Variants in HDAC3 observed in about 807,000 individuals in gnomAD.
HDAC3 encodes SMAP45.
In HDAC3, 21 loss-of-function variants were observed where a neutral mutation model predicts 62.3. That is an observed-to-expected ratio of 0.34 (90% CI 0.24 to 0.49). The LOEUF is 0.49. HDAC3 is among the 20% of genes least tolerant of loss of function. HDAC3 has a pLI of 0.99. For synonymous variants in HDAC3, 198 were observed against 206.5 expected (o/e 0.96, Z 0.35); for missense variants, 270 against 556.9 (o/e 0.48, Z 5.19).
In HDAC3 at chr5:141,634,825, G is replaced by A. The variant is rs201449026; in HGVS notation, c.267C>T (p.Asn89=). ...TCCTCCCTCACCAGTCATCGCCTAC[G>A]TTGAAGGCATTAAGACTCTTGGTGA... ...QGFTKSLNAF[N]VGDDCPVFPG... is the part of the protein sequence containing the mutation. Residue 89 remains asparagine (N), a synonymous_variant, in exon 3 of 15, where the codon AAC becomes AAT. Transcript: ENST00000305264. 55 of 1,613,920 alleles carry A rather than the reference G, an allele frequency of 3.4e-5. No individual in the cohort carries two copies. In the East Asian group the frequency reaches 4.9e-4, roughly 14 times the overall value.
chr5:141,629,837 T>G lies in HDAC3; in HGVS notation c.420+23A>C. 6.2e-7 allele frequency: 1 copy of G among 1,613,854 alleles called. No homozygotes were observed. Among genetic ancestry groups the G allele is most frequent in the South Asian group, 1.1e-5 (1 of 91,076 alleles). ...CACCTACCCTAGGATGGCCACTGTC[T>G]TTCCCATCACCTCCTCACTCACCTC... On this transcript the variant is annotated intron_variant, in intron 5 of 14. Transcript: ENST00000305264. The surrounding 1 kb of genome is among the most constrained non-coding windows in gnomAD (Gnocchi z 5.3).
At position 141,628,080 on chromosome 5, in the gene HDAC3, C is replaced by T; in HGVS notation, c.765+34G>A. On this transcript the variant is annotated intron_variant, in intron 9 of 14. Coordinates refer to ENST00000305264, the MANE Select transcript of HDAC3 (RefSeq NM_003883.4). The surrounding 1 kb of genome is among the most constrained non-coding windows in gnomAD (Gnocchi z 4.7). Reference sequence around the variant, plus strand: ...CTTGCTCTCTTTCCCCAAGCCCAGGCAGAACACTCCTGAGGAGGAACTGAC... The same window carrying T: ...CTTGCTCTCTTTCCCCAAGCCCAGGTAGAACACTCCTGAGGAGGAACTGAC... The T allele has an allele frequency of 1.9e-6, 3 of 1,609,210 alleles. No homozygotes were observed. The highest frequency in any genetic ancestry group is 1.1e-5 in the South Asian group (1 of 90,960).
At position 141,634,314 on chromosome 5, in the gene HDAC3, T is replaced by C. The variant is rs190481827; in HGVS notation, c.281+497A>G. On this transcript the variant is annotated intron_variant, in intron 3 of 14. Coordinates refer to ENST00000305264, the MANE Select transcript of HDAC3 (RefSeq NM_003883.4). The stretch of plus-strand genomic sequence containing the variant: ...TTCAGTTCACCTCCTCTTCATACTC[T>C]GCACTTGGCCTTTTTTCTGTTCCTC... Among the ~76,000 whole-genome samples the C allele has an allele frequency of 2.6e-3, 399 of 152,328 alleles. 1 individual carries two copies. Among genetic ancestry groups the C allele is most frequent in the African/African-American group, 9.5e-3 (393 of 41,558 alleles).
rs2099904304 is a variant in HDAC3 at position 141,625,424 on chromosome 5, T to C, written c.1060-59A>G. On this transcript the variant is annotated intron_variant, in intron 13 of 14. Transcript: ENST00000305264. This position sits in a 1 kb window ranked among gnomAD's most constrained non-coding sequence, Gnocchi z 4.0. Reference sequence around the variant, plus strand: ...TTCCAGAGATTCCCAGGACATGGAATCTCCTAGCTGCCTTTTACCCCTACC... The same window carrying C: ...TTCCAGAGATTCCCAGGACATGGAACCTCCTAGCTGCCTTTTACCCCTACC... The C allele has an allele frequency of 6.3e-7, 1 of 1,582,582 alleles. No homozygotes were observed. The highest frequency in any genetic ancestry group is 8.7e-7 in the Non-Finnish European group (1 of 1,153,028).
rs878921541 is a variant in HDAC3 at position 141,636,779 on chromosome 5, G to C, written c.12C>G (p.Thr4=). 1.2e-6 allele frequency: 2 copies of C among 1,612,232 alleles called. No homozygotes were observed. Among genetic ancestry groups the C allele is most frequent in the East Asian group, 2.2e-5 (1 of 44,776 alleles). Residue 4 remains threonine (T), a synonymous_variant, in exon 1 of 15, where the codon ACC becomes ACG. Transcript: ENST00000305264. The stretch of plus-strand genomic sequence containing the variant: ...CGTCGGGGTCGTAGAAATAGGCCAC[G>C]GTCTTGGCCATGGTGCCGGCGGGAG... MAK[T]VAYFYDPDVG... is the part of the protein sequence containing the mutation.
In HDAC3 at chr5:141,636,808, G is replaced by T. The variant is rs201983150; in HGVS notation, c.-18C>A. On this transcript the variant is annotated 5_prime_UTR_variant, in exon 1 of 15. Coordinates refer to ENST00000305264, the MANE Select transcript of HDAC3 (RefSeq NM_003883.4). ...TTGGCCATGGTGCCGGCGGGAGCAGGCCCCGCACCTCCGCCGCCCGCCGCC... is the reference window on the plus strand; with the variant it reads ...TTGGCCATGGTGCCGGCGGGAGCAGTCCCCGCACCTCCGCCGCCCGCCGCC... The T allele has an allele frequency of 6.5e-7, 1 of 1,536,018 alleles. No homozygotes were observed. Among genetic ancestry groups the T allele is most frequent in the South Asian group, 1.3e-5 (1 of 79,230 alleles).
At chr5:141,623,143 A>G (rs536018509) in intron 14 of HDAC3, among the ~76,000 whole-genome samples, 39 of 152,218 alleles carry the variant, frequency 2.6e-4, no homozygotes, top group African/African-American at 8.4e-4. Context: ...AAAGAAAGAA[A>G]GTTACTTAGA....
At position 141,629,489 on chromosome 5, in the gene HDAC3, G is replaced by T; in HGVS notation, c.477-183C>A. On this transcript the variant is annotated intron_variant, in intron 6 of 14. Coordinates refer to ENST00000305264, the MANE Select transcript of HDAC3 (RefSeq NM_003883.4). This position sits in a 1 kb window ranked among gnomAD's most constrained non-coding sequence, Gnocchi z 5.3. ...AGAGGCTAGAGGCAGGGACAGGAGA[G>T]GGATATGCAGAGAAGGCTGAAATGT... 1.1e-6 allele frequency: 1 copy of T among 919,408 alleles called. No homozygotes were observed. Among genetic ancestry groups the T allele is most frequent in the African/African-American group, 1.7e-5 (1 of 60,472 alleles). The allele number at this position is 919,408 out of a possible 1,614,324, so 57.0% of individuals were successfully genotyped here.
intron 3 of HDAC3, among the ~76,000 whole-genome samples, chr5:141,632,493 TGCA>T (rs2099905371): frequency 6.6e-6 from 1 of 152,222 alleles, no homozygotes; most frequent in South Asian, 2.1e-4. Flanking sequence ...GGAAGACTGA[TGCA>T]GCATAAATAG....
At chr5:141,622,948 C>T (rs1277019388) in intron 14 of HDAC3, among the ~76,000 whole-genome samples, 1 of 152,050 alleles carries the variant, frequency 6.6e-6, no homozygotes, top group Non-Finnish European at 1.5e-5. Flanking sequence ...TGGAGAAACC[C>T]CATCTCTTCT....
intron 3 of HDAC3, among the ~76,000 whole-genome samples, chr5:141,632,165 C>T (rs962903973): frequency 2.0e-5 from 3 of 152,294 alleles, no homozygotes; most frequent in Non-Finnish European, 4.4e-5. Context: ...GCTGGGACTA[C>T]AGGCACGTGC....
At position 141,628,369 on chromosome 5, in the gene HDAC3, A is replaced by G. The variant is rs2099904743; in HGVS notation, c.692-182T>C. The G allele has an allele frequency of 1.1e-5, 8 of 723,972 alleles. No homozygotes were observed. In the South Asian group the frequency reaches 1.3e-4, roughly 12 times the overall value. 44.8% of individuals were successfully genotyped at this position (723,972 alleles called of 1,614,324 possible). On this transcript the variant is annotated intron_variant, in intron 8 of 14. Coordinates refer to ENST00000305264, the MANE Select transcript of HDAC3 (RefSeq NM_003883.4). This position sits in a 1 kb window ranked among gnomAD's most constrained non-coding sequence, Gnocchi z 4.7. Reference sequence around the variant, plus strand: ...TGCTATGAGTGACTGATGAAAGCCAATGACTTTTCCCAGAAAAATGCACAT... The same window carrying G: ...TGCTATGAGTGACTGATGAAAGCCAGTGACTTTTCCCAGAAAAATGCACAT...
rs1406044125 is a variant in HDAC3 at position 141,627,781 on chromosome 5, TA to T, written c.830+111del. Reference sequence around the variant, plus strand: ...TTCTAGTTCAAGTACAATTTGTAGCTATTTTTGATTTCCAAGAAGAGGTGAG... The same window carrying T: ...TTCTAGTTCAAGTACAATTTGTAGCTTTTTTGATTTCCAAGAAGAGGTGAG... On this transcript the variant is annotated intron_variant, in intron 10 of 14. Transcript: ENST00000305264. The T allele has an allele frequency of 2.5e-5, 22 of 866,880 alleles. No individual in the cohort carries two copies. In the Admixed American group the frequency reaches 4.2e-4, roughly 16 times the overall value. 53.7% of individuals were successfully genotyped at this position (866,880 alleles called of 1,614,324 possible).
In HDAC3 at chr5:141,629,257, C is replaced by T; in HGVS notation, c.526G>A (p.Gly176Arg). 2.5e-6 allele frequency: 4 copies of T among 1,614,144 alleles called. No homozygotes were observed. Among genetic ancestry groups the T allele is most frequent in the Non-Finnish European group, 2.5e-6 (3 of 1,180,026 alleles). Residue 176 changes from glycine to arginine, a missense_variant, in exon 7 of 15, where the codon GGG becomes AGG. This residue lies in a region of HDAC3 where 156 missense variants were observed against 383.9 expected (regional missense o/e 0.41). Transcript: ENST00000305264. The surrounding 1 kb of genome is among the most constrained non-coding windows in gnomAD (Gnocchi z 5.3). Reference protein sequence around the residue: ...YIDIDIHHGDGVQEAFYLTDR... With the variant: ...YIDIDIHHGDRVQEAFYLTDR... ...GTGAGGTAGAAAGCTTCTTGAACCC[C>T]GTCACCATGGTGGATGTCAATGTCA...
intron 14 of HDAC3, among the ~76,000 whole-genome samples, chr5:141,621,798 G>C (rs900206710): frequency 6.6e-6 from 1 of 152,162 alleles, no homozygotes; most frequent in Non-Finnish European, 1.5e-5. Context: ...CCTAATAAAT[G>C]AGACTAGTAA....
At chr5:141,624,610 C>T (rs1486688335) in intron 14 of HDAC3, among the ~76,000 whole-genome samples, 4 of 149,774 alleles carry the variant, frequency 2.7e-5, no homozygotes, top group African/African-American at 7.4e-5. Context: ...CTAGCAGCAA[C>T]CATTCTACTA....
rs756522328 is a variant in HDAC3 at position 141,630,092 on chromosome 5, C to A, written c.315G>T (p.Ser105=). The A allele has an allele frequency of 1.9e-6, 3 of 1,614,106 alleles. No individual in the cohort carries two copies. Among genetic ancestry groups the A allele is most frequent in the Non-Finnish European group, 2.5e-6 (3 of 1,180,026 alleles). ...PVFPGLFEFC[S]RYTGASLQGA... ...CTTGCAGAGATGCGCCTGTGTAACG[C>A]GAGCAGAACTCAAAGAGCCCGGGAA... is the stretch of plus-strand genomic sequence containing the variant. Residue 105 remains serine, a synonymous_variant, in exon 4 of 15, where the codon TCG becomes TCT. Transcript: ENST00000305264.
chr5:141,622,451 A>G (rs1436442929), intron 14 of HDAC3, among the ~76,000 whole-genome samples: 1 of 152,148 alleles, frequency 6.6e-6, no homozygotes, highest in Non-Finnish European at 1.5e-5. Context: ...TAAAAATACT[A>G]AAGTTAGCCG....
chr5:141,623,153 A>C, intron 14 of HDAC3, among the ~76,000 whole-genome samples: 1 of 151,900 alleles, frequency 6.6e-6, no homozygotes, highest in Non-Finnish European at 1.5e-5. Context: ...AGTTACTTAG[A>C]CTCTCTGAGC....
Sources: gnomAD v4.1 joint callset for allele counts (sites outside exome capture counted in the v4.1 genomes callset) on GRCh38, gnomAD v4.1.1 for gene constraint, gnomAD v4.1.1 regional missense constraint, Gnocchi (gnomAD v3.1) non-coding constraint, MANE v1.5 for transcripts, NCBI Gene and HGNC (gene_info 2026-07-23, HGNC 2026-07-21) for gene names.